Variants in BCL9 observed in about 807,000 individuals in gnomAD.
BCL9 encodes the protein B-cell CLL/lymphoma 9 protein.
BCL9 carries 25 observed loss-of-function variants against 88.5 expected under a neutral mutation model. The observed-to-expected ratio is 0.28, with a 90% CI of 0.21 to 0.39. The LOEUF (loss-of-function observed/expected upper bound fraction) is 0.39, where lower values mean the gene tolerates loss of function less well. Ranked by LOEUF, BCL9 falls within the 10% of genes least tolerant of loss-of-function variation. The pLI, the probability that BCL9 is intolerant of heterozygous loss-of-function variation, is 1.00. For missense variants in BCL9, 1,817 were observed against 1,877.8 expected (o/e 0.97, Z 0.60); for synonymous variants, 711 against 673.3 (o/e 1.06, Z -0.87).
Position 147,625,511 on chromosome 1 carries a change from GA to G in BCL9, c.*557del. The G allele has an allele frequency of 4.9e-6, 1 of 205,420 alleles. No individual in the cohort carries two copies. The highest frequency in any genetic ancestry group is 9.4e-6 in the Non-Finnish European group (1 of 105,958). 12.7% of individuals were successfully genotyped at this position (205,420 alleles called of 1,614,324 possible). A position where few individuals can be genotyped will look rare whatever the true frequency, so the allele number is the denominator to read the frequency against. On this transcript the variant is annotated 3_prime_UTR_variant, in exon 10 of 10. Transcript: ENST00000234739. ...TATTTTCTTTCAACTGCAGTGTATA[GA>G]AAAACCAAACTACGACCTCAGAGCA...
chr1:147,614,475 C>T lies in BCL9; in HGVS notation c.419C>T (p.Pro140Leu). 6.2e-7 allele frequency: 1 copy of T among 1,614,018 alleles called. No individual in the cohort carries two copies. The highest frequency in any genetic ancestry group is 8.5e-7 in the Non-Finnish European group (1 of 1,179,992). ...HIKSQDSQHT[P>L]HSMTPSNATA... ...AAGTCCCAGGATTCCCAGCACACAC[C>T]ACACTCGATGACCCCATCAAATGCT... Residue 140 changes from proline (P) to leucine (L), a missense_variant, in exon 6 of 10, where the codon CCA becomes CTA. Pro to Leu is a moderately conservative substitution (Grantham distance 98). Coordinates refer to ENST00000234739, the MANE Select transcript of BCL9 (RefSeq NM_004326.4).
intron 1 of BCL9, among the ~76,000 whole-genome samples, chr1:147,593,322 T>G (rs1656921133): frequency 6.6e-6 from 1 of 152,220 alleles, no homozygotes; most frequent in African/African-American, 2.4e-5. Context: ...ATTTATTGCC[T>G]TCTATCTTGC....
At chr1:147,616,148 C>T (rs1368931045) in intron 7 of BCL9, among the ~76,000 whole-genome samples, 1 of 152,152 alleles carries the variant, frequency 6.6e-6, no homozygotes, top group Non-Finnish European at 1.5e-5. Context: ...AGGAGCTATA[C>T]AGATATCTTT....
chr1:147,581,254 C>T (rs1656358527), intron 1 of BCL9, among the ~76,000 whole-genome samples: 1 of 152,164 alleles, frequency 6.6e-6, no homozygotes, highest in Non-Finnish European at 1.5e-5. Context: ...AAAGACATGG[C>T]ATATCAACTA....
chr1:147,621,039 C>T lies in BCL9; in HGVS notation c.2884C>T (p.Leu962=). 2 of 1,613,346 alleles carry T rather than the reference C, an allele frequency of 1.2e-6. No individual in the cohort carries two copies. The highest frequency in any genetic ancestry group is 1.7e-5 in the Admixed American group (1 of 60,006). ...CCTCACCATGGCCTCCCCAGCCATGCTGGGAAATGTAGAGTCAGGTCAGTA... is the reference window on the plus strand; with the variant it reads ...CCTCACCATGGCCTCCCCAGCCATGTTGGGAAATGTAGAGTCAGGTCAGTA... ...APLTMASPAM[L]GNVESGGPPP... is the part of the protein sequence containing the mutation. The change falls in exon 8 of 10, where the codon CTG becomes TTG. Residue 962 remains leucine (L), a synonymous_variant. Transcript: ENST00000234739.
At chr1:147,613,483 T>C (rs1169724259) in intron 5 of BCL9, among the ~76,000 whole-genome samples, 1 of 152,196 alleles carries the variant, frequency 6.6e-6, no homozygotes, top group Admixed American at 6.5e-5. Context: ...CGTACACGTT[T>C]CTGGCCTCTA....
At chr1:147,599,490 C>G (rs12057830) in intron 1 of BCL9, among the ~76,000 whole-genome samples, 27,689 of 149,382 alleles carry the variant, frequency 0.19, 3,497 homozygotes, top group East Asian at 0.35. Context: ...TTTCCTGGCC[C>G]CCCGCCCCCC....
intron 3 of BCL9, among the ~76,000 whole-genome samples, chr1:147,607,795 T>A (rs1657795129): frequency 6.6e-6 from 1 of 152,172 alleles, no homozygotes; most frequent in African/African-American, 2.4e-5. Flanking sequence ...GGAGGAAGGC[T>A]ATACACAGAA....
chr1:147,572,644 A>G (rs1655937048), intron 1 of BCL9, among the ~76,000 whole-genome samples: 1 of 152,214 alleles, frequency 6.6e-6, no homozygotes, highest in Non-Finnish European at 1.5e-5. Flanking sequence ...CAGTGGCACG[A>G]TATTGGCTTA....
At chr1:147,567,304 A>C (rs1487515958) in intron 1 of BCL9, among the ~76,000 whole-genome samples, 1 of 152,200 alleles carries the variant, frequency 6.6e-6, no homozygotes, top group South Asian at 2.1e-4. Context: ...TTCAGAAGAG[A>C]ATTTTTGGTT....
At chr1:147,601,697 A>G (rs1159776331) in intron 1 of BCL9, among the ~76,000 whole-genome samples, 1 of 152,178 alleles carries the variant, frequency 6.6e-6, no homozygotes, top group Non-Finnish European at 1.5e-5. Flanking sequence ...TTGCGTGAAT[A>G]ATGTGAAGGC....
At chr1:147,603,374 C>T (rs1657499613) in intron 1 of BCL9, among the ~76,000 whole-genome samples, 1 of 152,222 alleles carries the variant, frequency 6.6e-6, no homozygotes, top group African/African-American at 2.4e-5. Context: ...CCCCAAATGT[C>T]TGAGGCCTTG....
intron 1 of BCL9, among the ~76,000 whole-genome samples, chr1:147,567,539 CA>C (rs1655664551): frequency 6.6e-6 from 1 of 151,996 alleles, no homozygotes; most frequent in Non-Finnish European, 1.5e-5. Flanking sequence ...TTAAGTCGAG[CA>C]AAAGCAGGAA....
In BCL9 at chr1:147,551,661, G is replaced by A. The variant is rs191959731; in HGVS notation, c.-478+9987G>A. ...TTAGTTATCAAGGGAGTGGGCTCCC[G>A]ATAAAAGGATGAATTTGGCCCCCAT... On this transcript the variant is annotated intron_variant, in intron 1 of 9. Coordinates refer to ENST00000234739, the MANE Select transcript of BCL9 (RefSeq NM_004326.4). 1.5e-4 allele frequency among the ~76,000 whole-genome samples: 23 copies of A among 152,252 alleles called. No homozygotes were observed. In the East Asian group the frequency reaches 4.4e-3, roughly 29 times the overall value.
intron 1 of BCL9, among the ~76,000 whole-genome samples, chr1:147,559,905 T>G (rs955703508): frequency 6.6e-6 from 1 of 152,306 alleles, no homozygotes; most frequent in East Asian, 1.9e-4. Context: ...GGCCAGGAAC[T>G]AAGACCCAGA....
chr1:147,612,799 C>T, intron 4 of BCL9, 84 bp from the exon 5 acceptor site: 2 of 1,385,372 alleles, frequency 1.4e-6, no homozygotes, highest in Non-Finnish European at 1.0e-6. Context: ...TCTCCTTGAC[C>T]CCCAATAGAA....
rs781860269 is a variant in BCL9, at chr1:147,619,882, C to T, written c.1727C>T (p.Pro576Leu). The T allele has an allele frequency of 2.5e-5, 40 of 1,614,024 alleles. No homozygotes were observed. In the Admixed American group the frequency reaches 3.2e-4, roughly 13 times the overall value. The change falls in exon 8 of 10, where the codon CCG (proline) becomes CTG (leucine). Residue 576 changes from proline to leucine, a missense_variant. Pro to Leu is a moderately conservative substitution (Grantham distance 98). Transcript: ENST00000234739. The surrounding 1 kb of genome is among the most constrained non-coding windows in gnomAD (Gnocchi z 4.1). ...AGMINSEMEG[P>L]NVPNPASRPG... ...ATGATAAACTCTGAAATGGAAGGGC[C>T]GAATGTCCCCAACCCTGCATCTAGA...
intron 1 of BCL9, among the ~76,000 whole-genome samples, chr1:147,554,002 A>G (rs1216101646): frequency 6.6e-6 from 1 of 152,202 alleles, no homozygotes; most frequent in Non-Finnish European, 1.5e-5. Context: ...TGCTCAGGAA[A>G]AAGATCTTGG....
chr1:147,603,403 C>T (rs948511988), intron 1 of BCL9, among the ~76,000 whole-genome samples: 2 of 152,208 alleles, frequency 1.3e-5, no homozygotes, highest in Non-Finnish European at 2.9e-5. Flanking sequence ...TCCTGGCTTC[C>T]TGGCAGCTTA....
Sources: gnomAD v4.1 joint callset for allele counts (sites outside exome capture counted in the v4.1 genomes callset) on GRCh38, gnomAD v4.1.1 for gene constraint, Gnocchi (gnomAD v3.1) non-coding constraint, MANE v1.5 for transcripts, NCBI Gene and HGNC (gene_info 2026-07-23, HGNC 2026-07-21) for gene names.